The following LMNB1 variants were observed in gnomAD, a reference collection of about 807,000 sequenced individuals.
LMNB1 encodes lamin-B1.
Under a neutral mutation model 67.1 loss-of-function variants are expected in LMNB1, and 23 were observed. The observed-to-expected ratio is 0.34, with a 90% CI of 0.25 to 0.49. The LOEUF (loss-of-function observed/expected upper bound fraction) is 0.49, where lower values mean the gene tolerates loss of function less well. LMNB1 is among the 20% of genes least tolerant of loss of function. The pLI is 0.99. For missense variants in LMNB1, 634 were observed against 746.5 expected (o/e 0.85, Z 1.76); for synonymous variants, 281 against 282.9 (o/e 0.99, Z 0.07).
rs1446331683 is a variant in LMNB1 at position 126,822,832 on chromosome 5, G to A, written c.1438G>A (p.Val480Ile). 6.2e-7 allele frequency: 1 copy of A among 1,613,248 alleles called. No individual in the cohort carries two copies. Among genetic ancestry groups the A allele is most frequent in the South Asian group, 1.1e-5 (1 of 91,060 alleles). Residue 480 changes from valine to isoleucine, a missense_variant, in exon 8 of 11, where the codon GTC becomes ATC. By Grantham distance (29) the Val-to-Ile change is conservative. Coordinates refer to ENST00000261366, the MANE Select transcript of LMNB1 (RefSeq NM_005573.4). ...GATCAGAAAAATTGGAGACACATCAGTCAGTTATAAATATACCTCAAGATA... is the reference window on the plus strand; with the variant it reads ...GATCAGAAAAATTGGAGACACATCAATCAGTTATAAATATACCTCAAGATA... ...EMIRKIGDTS[V>I]SYKYTSRYVL...
intron 9 of LMNB1, among the ~76,000 whole-genome samples, chr5:126,828,633 G>A (rs1177220981): frequency 2.0e-5 from 3 of 150,808 alleles, no homozygotes; most frequent in Admixed American, 1.3e-4. Context: ...CTGGAGTGGA[G>A]TGGCATAGCA....
intron 3 of LMNB1, among the ~76,000 whole-genome samples, chr5:126,808,641 T>C (rs1294991762): frequency 1.3e-5 from 2 of 152,140 alleles, no homozygotes; most frequent in East Asian, 3.8e-4. Context: ...CTTCAGTATT[T>C]TTGTGATTTA....
chr5:126,810,643 G>A (rs1751560527), intron 4 of LMNB1, among the ~76,000 whole-genome samples: 1 of 152,206 alleles, frequency 6.6e-6, no homozygotes, highest in Non-Finnish European at 1.5e-5. Context: ...CCCAAACCAT[G>A]TGAAATAACT....
At chr5:126,780,244 T>A (rs1750594279) in intron 1 of LMNB1, among the ~76,000 whole-genome samples, 1 of 152,150 alleles carries the variant, frequency 6.6e-6, no homozygotes, top group Non-Finnish European at 1.5e-5. Context: ...CACCGTTCTA[T>A]GTTAGAGGAT....
At chr5:126,810,662 A>G (rs1346149691) in intron 4 of LMNB1, among the ~76,000 whole-genome samples, 1 of 152,222 alleles carries the variant, frequency 6.6e-6, no homozygotes, top group Non-Finnish European at 1.5e-5. Context: ...CTTTCTTCCA[A>G]TAACAAGTAC....
At chr5:126,806,634 G>C (rs1430274018) in intron 3 of LMNB1, among the ~76,000 whole-genome samples, 1 of 152,098 alleles carries the variant, frequency 6.6e-6, no homozygotes, top group Non-Finnish European at 1.5e-5. Context: ...AACACAACGA[G>C]AACATGAATA....
chr5:126,826,201 C>T (rs1351159326), intron 9 of LMNB1, 94 bp downstream of exon 9: 11 of 1,376,136 alleles, frequency 8.0e-6, no homozygotes, highest in South Asian at 2.7e-5. Flanking sequence ...GTGCAATAAC[C>T]GATTGCATAA....
At chr5:126,820,816 CTG>C (rs1384435736) in intron 6 of LMNB1, 92 bp from the exon 7 acceptor site, 2 of 976,956 alleles carry the variant, frequency 2.0e-6, no homozygotes, top group Non-Finnish European at 3.0e-6. Flanking sequence ...ACATGAGCCT[CTG>C]TGCCCAGCCC....
intron 1 of LMNB1, among the ~76,000 whole-genome samples, chr5:126,795,170 C>G (rs1751056223): frequency 7.6e-6 from 1 of 131,638 alleles, no homozygotes; most frequent in Non-Finnish European, 1.6e-5. Flanking sequence ...CTCTGTTGCC[C>G]AGAGCGACAG....
chr5:126,816,108 T>C (rs2126723579), intron 5 of LMNB1, among the ~76,000 whole-genome samples: 1 of 152,300 alleles, frequency 6.6e-6, no homozygotes, highest in East Asian at 1.9e-4. Context: ...CTTTTTTTTT[T>C]TCTTTTGGAG....
Position 126,800,982 on chromosome 5 carries a change from A to ATATATAATTTTTTTTTTT in LMNB1, c.360-3793_360-3792insATATAATTTTTTTTTTTT. 1.1e-4 allele frequency among the ~76,000 whole-genome samples: 2 copies of ATATATAATTTTTTTTTTT among 18,632 alleles called. 1 individual carries two copies. Among genetic ancestry groups the ATATATAATTTTTTTTTTT allele is most frequent in the Admixed American group, 1.9e-3 (2 of 1,052 alleles). The allele number at this position is 18,632 out of a possible 152,430, so 12.2% of individuals were successfully genotyped here. ...ATATATATATATATATATATATATA[A>ATATATAATTTTTTTTTTT]TTTTTTTTTTTTTTTTTTGGTGGTA... On this transcript the variant is annotated intron_variant, in intron 1 of 10. Transcript: ENST00000261366.
intron 1 of LMNB1, among the ~76,000 whole-genome samples, chr5:126,785,428 A>G (rs1750753744): frequency 6.7e-6 from 1 of 150,120 alleles, no homozygotes; most frequent in Admixed American, 6.6e-5. Context: ...ATTAGCTGGG[A>G]CTACAGGCAC....
intron 1 of LMNB1, among the ~76,000 whole-genome samples, chr5:126,791,517 G>T (rs1561737779): frequency 2.0e-5 from 3 of 151,776 alleles, no homozygotes; most frequent in Non-Finnish European, 4.4e-5. Flanking sequence ...GAGTGCAGTG[G>T]CATGATCTTG....
chr5:126,809,892 G>A (rs1461974702), intron 3 of LMNB1, among the ~76,000 whole-genome samples: 3 of 152,124 alleles, frequency 2.0e-5, no homozygotes, highest in Non-Finnish European at 4.4e-5. Context: ...GATAGTTTTA[G>A]TAGGCCATCC....
rs371177009 is a variant in LMNB1, at chr5:126,818,963, G to A, written c.981G>A (p.Leu327=). ...CLERIQELED[L]LAKEKDNSRR... ...AAAGGATTCAAGAATTAGAGGACTTGCTTGCTAAAGAAAAAGACAACTCTC... is the reference window on the plus strand; with the variant it reads ...AAAGGATTCAAGAATTAGAGGACTTACTTGCTAAAGAAAAAGACAACTCTC... The change falls in exon 6 of 11, where the codon TTG becomes TTA. Residue 327 remains leucine, a synonymous_variant. Transcript: ENST00000261366. The A allele has an allele frequency of 2.5e-6, 4 of 1,614,150 alleles. No homozygotes were observed. The highest frequency in any genetic ancestry group is 3.4e-6 in the Non-Finnish European group (4 of 1,179,998).
chr5:126,810,420 G>A, intron 4 of LMNB1, 70 bp downstream of exon 4: 2 of 1,162,360 alleles, frequency 1.7e-6, no homozygotes, highest in Non-Finnish European at 2.4e-6. Flanking sequence ...GATGAACATG[G>A]CTTTATGTTT....
At chr5:126,825,136 G>A (rs893190266) in intron 8 of LMNB1, among the ~76,000 whole-genome samples, 1 of 152,158 alleles carries the variant, frequency 6.6e-6, no homozygotes, top group African/African-American at 2.4e-5. Flanking sequence ...AGGGCTAGTA[G>A]TATCCCTGTA....
In LMNB1 at chr5:126,820,970, T is replaced by C. The variant is rs201104948; in HGVS notation, c.1221T>C (p.Arg407=). 4.5e-5 allele frequency: 72 copies of C among 1,614,002 alleles called. No individual in the cohort carries two copies. Among genetic ancestry groups the C allele is most frequent in the Non-Finnish European group, 4.7e-5 (55 of 1,180,032 alleles). ...CAGTATCCCGAGCATCCTCAAGTCG[T>C]AGTGTACGTACAACTAGAGGAAAGC... ...RVTVSRASSS[R]SVRTTRGKRK... Residue 407 remains arginine (R), a synonymous_variant, in exon 7 of 11, where the codon CGT becomes CGC. Transcript: ENST00000261366.
chr5:126,785,282 T>A (rs1369156209), intron 1 of LMNB1, among the ~76,000 whole-genome samples: 4 of 134,634 alleles, frequency 3.0e-5, no homozygotes, highest in Non-Finnish European at 4.8e-5. Flanking sequence ...CACGGTGCCC[T>A]GCCTAAAAAT....
Sources: allele counts gnomAD v4.1 joint callset (sites outside exome capture counted in the v4.1 genomes callset), GRCh38; gene constraint gnomAD v4.1.1; transcripts MANE v1.5; gene names NCBI Gene and HGNC (gene_info 2026-07-23, HGNC 2026-07-21).